The following LMNTD1 variants were observed in gnomAD, a reference collection of about 807,000 sequenced individuals.
LMNTD1 encodes lamin tail domain containing 1, also known as lamin tail domain-containing protein 1.
In LMNTD1, 35 loss-of-function variants were observed where a neutral mutation model predicts 50.9. That is an observed-to-expected ratio of 0.69 (90% confidence interval 0.53 to 0.91). LMNTD1 has a LOEUF of 0.91. LMNTD1 is among the 40% of genes least tolerant of loss of function. The pLI is 0.00. For synonymous variants in LMNTD1, 153 were observed against 161.9 expected (o/e 0.94, Z 0.42); for missense variants, 470 against 475.5 (o/e 0.99, Z 0.11).
chr12:25,523,334 G>C (rs1010297671), intron 6 of LMNTD1, among the ~76,000 whole-genome samples: 6 of 152,042 alleles, frequency 3.9e-5, no homozygotes, highest in African/African-American at 1.4e-4. Context: ...GCTGGCCTAG[G>C]CTTCTTTTTA....
At chr12:25,495,238 TA>T (rs1396477195) in intron 9 of LMNTD1, among the ~76,000 whole-genome samples, 2 of 108,836 alleles carry the variant, frequency 1.8e-5, no homozygotes, top group Non-Finnish European at 4.0e-5. Flanking sequence ...GCCAAAATCA[TA>T]AAGTGTGTAC....
At chr12:25,547,170 G>T in intron 3 of LMNTD1, 4 of 922,772 alleles carry the variant, frequency 4.3e-6, no homozygotes, top group Non-Finnish European at 5.2e-6. Flanking sequence ...ATAATTTTAA[G>T]CATAAAGAGC....
At chr12:25,636,948 A>G (rs1246958171) in intron 1 of LMNTD1, among the ~76,000 whole-genome samples, 1 of 149,220 alleles carries the variant, frequency 6.7e-6, no homozygotes, top group Non-Finnish European at 1.5e-5. Flanking sequence ...TGAGGACACA[A>G]AGGCATAAGA....
chr12:25,628,213 GTAGT>G (rs1353809495), intron 1 of LMNTD1, among the ~76,000 whole-genome samples: 1 of 150,514 alleles, frequency 6.6e-6, no homozygotes, highest in African/African-American at 2.4e-5. Flanking sequence ...TTGACTTCAG[GTAGT>G]TAGTTTTGAT....
At chr12:25,622,467 G>A (rs1018257) in intron 1 of LMNTD1, among the ~76,000 whole-genome samples, 4 of 92,874 alleles carry the variant, frequency 4.3e-5, no homozygotes, top group Admixed American at 1.2e-4. Context: ...TTGTGAGCCC[G>A]CCCCCCCCCG....
At chr12:25,568,631 G>T (rs896994542) in intron 1 of LMNTD1, among the ~76,000 whole-genome samples, 1 of 152,212 alleles carries the variant, frequency 6.6e-6, no homozygotes. Context: ...AATGGGCCAG[G>T]CTTGGAATGC....
At chr12:25,476,489 T>G (rs1385153009) in intron 9 of LMNTD1, 29 bp from the exon 10 acceptor site, 1 of 152,228 alleles carries the variant, frequency 6.6e-6, no homozygotes, top group South Asian at 2.1e-4. Context: ...GAGAGTGATC[T>G]GTTATTGAGC....
intron 9 of LMNTD1, chr12:25,499,983 C>T (rs888291360): frequency 2.0e-5 from 3 of 151,918 alleles, no homozygotes; most frequent in Non-Finnish European, 4.4e-5. Context: ...GACCATGACA[C>T]CATAAAGGTA....
chr12:25,523,131 T>C (rs1394862814), intron 6 of LMNTD1, among the ~76,000 whole-genome samples: 3 of 152,144 alleles, frequency 2.0e-5, no homozygotes, highest in Non-Finnish European at 4.4e-5. Context: ...CCTCCCAGGT[T>C]CAAGCAATTC....
At chr12:25,613,462 G>A (rs1592105106) in intron 1 of LMNTD1, among the ~76,000 whole-genome samples, 1 of 152,166 alleles carries the variant, frequency 6.6e-6, no homozygotes, top group African/African-American at 2.4e-5. Context: ...GTTGTTATGA[G>A]CATTATATGG....
chr12:25,514,294 T>C (rs1940570982), intron 8 of LMNTD1, among the ~76,000 whole-genome samples: 1 of 152,130 alleles, frequency 6.6e-6, no homozygotes, highest in Non-Finnish European at 1.5e-5. Flanking sequence ...TTGAGACAAA[T>C]GGTTTTCCAT....
At chr12:25,567,730 T>A (rs2136335262) in intron 1 of LMNTD1, among the ~76,000 whole-genome samples, 1 of 152,276 alleles carries the variant, frequency 6.6e-6, no homozygotes, top group Non-Finnish European at 1.5e-5. Flanking sequence ...ATGCTGACTC[T>A]GCATCACCTT....
At chr12:25,587,862 A>G (rs1476326237) in intron 1 of LMNTD1, among the ~76,000 whole-genome samples, 1 of 152,224 alleles carries the variant, frequency 6.6e-6, no homozygotes, top group Non-Finnish European at 1.5e-5. Flanking sequence ...GATCAGAAAC[A>G]AAAAAGCTAG....
At chr12:25,605,734 T>G (rs1264062302) in intron 1 of LMNTD1, among the ~76,000 whole-genome samples, 3 of 152,230 alleles carry the variant, frequency 2.0e-5, no homozygotes, top group South Asian at 2.1e-4. Context: ...CATTCTGTTT[T>G]GGTTACTATA....
At chr12:25,515,265 TA>T (rs1197226301) in intron 8 of LMNTD1, among the ~76,000 whole-genome samples, 1 of 151,920 alleles carries the variant, frequency 6.6e-6, no homozygotes. Flanking sequence ...AAAACATTAA[TA>T]GGGGAATAAA....
At chr12:25,578,766 C>T (rs1420013803) in intron 1 of LMNTD1, among the ~76,000 whole-genome samples, 1 of 152,208 alleles carries the variant, frequency 6.6e-6, no homozygotes, top group Non-Finnish European at 1.5e-5. Context: ...CTTCAAAGAC[C>T]TGTCTCAGCG....
At chr12:25,571,275 C>T (rs1273520415) in intron 1 of LMNTD1, among the ~76,000 whole-genome samples, 4 of 152,108 alleles carry the variant, frequency 2.6e-5, no homozygotes, top group East Asian at 1.9e-4. Context: ...ATTTTGTTCT[C>T]GTATCAATGT....
chr12:25,577,802 AT>A (rs1945097346), intron 1 of LMNTD1, among the ~76,000 whole-genome samples: 1 of 152,156 alleles, frequency 6.6e-6, no homozygotes, highest in South Asian at 2.1e-4. Flanking sequence ...CCCATTCAGT[AT>A]GATATTGCCC....
intron 1 of LMNTD1, among the ~76,000 whole-genome samples, chr12:25,586,955 G>A (rs1288140485): frequency 1.3e-5 from 2 of 152,114 alleles, no homozygotes; most frequent in Non-Finnish European, 2.9e-5. Flanking sequence ...TCTCTCTTCA[G>A]GCTTCCCCTT....
Sources: allele counts gnomAD v4.1 joint callset (sites outside exome capture counted in the v4.1 genomes callset), GRCh38; gene constraint gnomAD v4.1.1; transcripts MANE v1.5; gene names NCBI Gene and HGNC (gene_info 2026-07-23, HGNC 2026-07-21).